CARD10: variants seen among roughly 807,000 people sequenced by gnomAD.
The protein encoded by CARD10 is caspase recruitment domain family member 10.
CARD10 carries 49 observed loss-of-function variants against 114.6 expected under a neutral mutation model. The observed-to-expected ratio is 0.43, with a 90% CI of 0.34 to 0.54. CARD10 has a LOEUF of 0.54. Ranked by LOEUF, CARD10 falls within the 20% of genes least tolerant of loss-of-function variation. CARD10 has a pLI of 0.03. For missense variants in CARD10, 1,206 were observed against 1,397.2 expected, an observed-to-expected ratio of 0.86 and a Z score of 2.18; for synonymous variants, 602 against 593.2, an observed-to-expected ratio of 1.01 and a Z score of -0.21.
At position 37,496,071 on chromosome 22, in the gene CARD10, T is replaced by C; in HGVS notation, c.2060-68A>G. ...AGGATGGTGAGGTCCAGGATCGGCCTTGGTGGGGCCAAAGACATGGCCCTC... is the reference window on the plus strand; with the variant it reads ...AGGATGGTGAGGTCCAGGATCGGCCCTGGTGGGGCCAAAGACATGGCCCTC... On this transcript the variant is annotated intron_variant, in intron 13 of 19. Transcript: ENST00000251973. The surrounding 1 kb of genome is among the most constrained non-coding windows in gnomAD (Gnocchi z 4.1). 1 of 1,581,814 alleles carries C rather than the reference T, an allele frequency of 6.3e-7. No individual in the cohort carries two copies. The highest frequency in any genetic ancestry group is 8.6e-7 in the Non-Finnish European group (1 of 1,161,578).
intron 8 of CARD10, 79 bp downstream of exon 8, chr22:37,504,556 C>T (rs922434045): frequency 6.9e-7 from 1 of 1,454,262 alleles, no homozygotes; most frequent in Non-Finnish European, 9.1e-7. Flanking sequence ...TGAAATGGAT[C>T]CTTCAGAAAG....
At position 37,502,170 on chromosome 22, in the gene CARD10, C is replaced by T. The variant is rs1601812205; in HGVS notation, c.1787+432G>A. Reference sequence around the variant, plus strand: ...AGGGGCTCCTGAGGTGACCCAAGCCCACCCACAGCATGAAACTTTGCTGGG... The same window carrying T: ...AGGGGCTCCTGAGGTGACCCAAGCCTACCCACAGCATGAAACTTTGCTGGG... On this transcript the variant is annotated intron_variant, in intron 11 of 19. Coordinates refer to ENST00000251973, the MANE Select transcript of CARD10 (RefSeq NM_014550.4). 2.6e-5 allele frequency among the ~76,000 whole-genome samples: 4 copies of T among 152,320 alleles called. No homozygotes were observed. The Middle Eastern group carries it at 0.014, about 518-fold the overall frequency.
At chr22:37,505,637 CAAA>C (rs1053786440) in intron 7 of CARD10, among the ~76,000 whole-genome samples, 11 of 109,654 alleles carry the variant, frequency 1.0e-4, no homozygotes, top group Admixed American at 9.5e-5. Flanking sequence ...GATTCTGTCT[CAAA>C]AAAAAAAAAA....
chr22:37,517,951 T>C lies in CARD10; in HGVS notation c.373+20A>G. 2 of 1,608,806 alleles carry C rather than the reference T, an allele frequency of 1.2e-6. No individual in the cohort carries two copies. The highest frequency in any genetic ancestry group is 1.7e-6 in the Non-Finnish European group (2 of 1,176,508). On this transcript the variant is annotated intron_variant, in intron 2 of 19. Transcript: ENST00000251973. The stretch of plus-strand genomic sequence containing the variant: ...TGCACTGGAGTCCGAGGTGCCAGCA[T>C]CCACCGCAGATCCACTCACCGAGGA...
rs780666568 is a variant in CARD10 at position 37,515,989 on chromosome 22, C to T, written c.683G>A (p.Arg228His). 3.8e-6 allele frequency: 6 copies of T among 1,584,406 alleles called. No individual in the cohort carries two copies. The highest frequency in any genetic ancestry group is 2.3e-5 in the East Asian group (1 of 43,864). The stretch of plus-strand genomic sequence containing the variant: ...AGGGCCTACCGCCAGCTGCAGGTCA[C>T]GGCTGCGAAGTACAGCCGAGTTCTT... Reference protein sequence around the residue: ...EEKNSAVLRSRDLQLAVDQLK... With the variant: ...EEKNSAVLRSHDLQLAVDQLK... The change falls in exon 3 of 20, where the codon CGT (arginine) becomes CAT (histidine). Residue 228 changes from arginine (R) to histidine (H), a missense_variant. Physicochemically the swap from Arg to His is conservative, Grantham distance 29 (BLOSUM62 0). Transcript: ENST00000251973.
chr22:37,518,565 C>G (rs1923919051), intron 1 of CARD10, among the ~76,000 whole-genome samples: 3 of 152,192 alleles, frequency 2.0e-5, no homozygotes, highest in Admixed American at 2.0e-4. Context: ...TGAAAAAGGA[C>G]TCCCCCAGGA....
rs768110180 is a variant in CARD10 at position 37,496,992 on chromosome 22, C to T, written c.1947+27G>A. ...CCTGGGCAAAAGCACTGACCCTACC[C>T]CCCCAGCTCAGGAGGCAGGGCCTCA... On this transcript the variant is annotated intron_variant, in intron 12 of 19. Coordinates refer to ENST00000251973, the MANE Select transcript of CARD10 (RefSeq NM_014550.4). The surrounding 1 kb of genome is among the most constrained non-coding windows in gnomAD (Gnocchi z 4.1). The T allele has an allele frequency of 6.4e-6, 10 of 1,574,430 alleles. No individual in the cohort carries two copies. The highest frequency in any genetic ancestry group is 8.6e-6 in the Non-Finnish European group (10 of 1,162,294).
intron 10 of CARD10, 41 bp downstream of exon 10, chr22:37,503,144 C>T (rs766697287): frequency 2.4e-5 from 38 of 1,604,230 alleles, no homozygotes; most frequent in East Asian, 6.8e-5. Context: ...CCACCTCCCC[C>T]GACCAGAGGA....
rs1831997161 is a variant in CARD10, at chr22:37,490,405, A to G, written c.*754T>C. On this transcript the variant is annotated 3_prime_UTR_variant, in exon 20 of 20. Coordinates refer to ENST00000251973, the MANE Select transcript of CARD10 (RefSeq NM_014550.4). Reference sequence around the variant, plus strand: ...AATGCTCCATAATGTGCAGCTTCTAAGTGAAAAAGGCCCGTTAATCATCCA... The same window carrying G: ...AATGCTCCATAATGTGCAGCTTCTAGGTGAAAAAGGCCCGTTAATCATCCA... 3 of 152,190 alleles carry G rather than the reference A, an allele frequency of 2.0e-5. No homozygotes were observed. The highest frequency in any genetic ancestry group is 1.3e-4 in the Admixed American group (2 of 15,288). The allele number at this position is 152,190 out of a possible 1,614,324, so 9.4% of individuals were successfully genotyped here.
At position 37,501,080 on chromosome 22, in the gene CARD10, T is replaced by C. The variant is rs1923195113; in HGVS notation, c.1787+1522A>G. Among the ~76,000 whole-genome samples the C allele has an allele frequency of 6.6e-6, 1 of 152,128 alleles. No individual in the cohort carries two copies. The highest frequency in any genetic ancestry group is 2.4e-5 in the African/African-American group (1 of 41,408). On this transcript the variant is annotated intron_variant, in intron 11 of 19. Transcript: ENST00000251973. This position sits in a 1 kb window ranked among gnomAD's most constrained non-coding sequence, Gnocchi z 5.4. ...AGGAGACACACAAGTTGCCCCGACC[T>C]GGGACCTGTCCGGGCCCTCATCTCC...
At chr22:37,507,377 A>T (rs1399351643) in intron 6 of CARD10, among the ~76,000 whole-genome samples, 1 of 152,160 alleles carries the variant, frequency 6.6e-6, no homozygotes, top group Admixed American at 6.5e-5. Flanking sequence ...ATGGAACCTC[A>T]CACAAGGAGG....
At chr22:37,491,612 G>GGGAGAA in intron 19 of CARD10, 143 bp downstream of exon 19, 1 of 447,518 alleles carries the variant, frequency 2.2e-6, no homozygotes, top group Non-Finnish European at 4.0e-6. Flanking sequence ...GGAGGGGGGA[G>GGGAGAA]GGGGAGGGAG....
At chr22:37,507,730 T>G (rs1432671320) in intron 6 of CARD10, 99 bp downstream of exon 6, 1 of 1,461,300 alleles carries the variant, frequency 6.8e-7, no homozygotes, top group African/African-American at 1.4e-5. Flanking sequence ...GCGGCTAACG[T>G]CTCTTTCTAC....
Position 37,504,284 on chromosome 22 carries a change from ACTGT to A in CARD10, c.1532_1535del (p.Asp511ValfsTer46), listed in dbSNP as rs771744606. 11 of 1,556,390 alleles carry A rather than the reference ACTGT, an allele frequency of 7.1e-6. No individual in the cohort carries two copies. The highest frequency in any genetic ancestry group is 1.4e-5 in the African/African-American group (1 of 73,688). On this transcript the variant is annotated frameshift_variant, in exon 9 of 20. Transcript: ENST00000251973. LOFTEE classifies it high-confidence loss of function. Reference sequence around the variant, plus strand: ...TGGAGAGCCGATTGATCTCCTTTTCACTGTCTGTGGCTTCCTCCTGCAATGCCAT... The same window carrying A: ...TGGAGAGCCGATTGATCTCCTTTTCACTGTGGCTTCCTCCTGCAATGCCAT...
chr22:37,512,465 C>A (rs201252928), intron 3 of CARD10, among the ~76,000 whole-genome samples: 40 of 113,858 alleles, frequency 3.5e-4, no homozygotes, highest in East Asian at 2.1e-3. Context: ...AGCCCCCCCT[C>A]CACACACACA....
intron 3 of CARD10, among the ~76,000 whole-genome samples, chr22:37,511,081 C>CAAAA: frequency 1.1e-5 from 1 of 92,078 alleles, no homozygotes; most frequent in Non-Finnish European, 2.3e-5. Flanking sequence ...GACTCTGTCT[C>CAAAA]AAAAAAAAAA....
At chr22:37,512,426 G>A (rs1923683959) in intron 3 of CARD10, among the ~76,000 whole-genome samples, 2 of 145,384 alleles carry the variant, frequency 1.4e-5, no homozygotes, top group Admixed American at 1.4e-4. Context: ...TGACTTGCTA[G>A]TTCCCCAGCC....
At chr22:37,512,152 T>G (rs1010946616) in intron 3 of CARD10, 1 of 152,214 alleles carries the variant, frequency 6.6e-6, no homozygotes, top group African/African-American at 2.4e-5. Context: ...CAGCCAGAAG[T>G]TGGCCTGGTA....
At position 37,518,036 on chromosome 22, in the gene CARD10, T is replaced by C. The variant is rs1255542301; in HGVS notation, c.308A>G (p.Tyr103Cys). The C allele has an allele frequency of 1.9e-6, 3 of 1,613,776 alleles. No individual in the cohort carries two copies. Among genetic ancestry groups the C allele is most frequent in the Admixed American group, 1.7e-5 (1 of 60,000 alleles). ...YEAFLEALEF[Y>C]YPEHFTLLTG... ...GAGCAGCGTGAAGTGTTCGGGGTAGTAGAACTCCAGGGCTTCCAGGAAGGC... is the reference window on the plus strand; with the variant it reads ...GAGCAGCGTGAAGTGTTCGGGGTAGCAGAACTCCAGGGCTTCCAGGAAGGC... Residue 103 changes from tyrosine (Y) to cysteine (C), a missense_variant, in exon 2 of 20, where the codon TAC (tyrosine) becomes TGC (cysteine). Tyr to Cys is a radical substitution (Grantham distance 194). Around this residue, in one of 2 missense-constraint regions of CARD10, gnomAD observed 138 missense variants for 218.0 expected, o/e 0.63. Transcript: ENST00000251973.
Sources: allele counts gnomAD v4.1 joint callset (sites outside exome capture counted in the v4.1 genomes callset), GRCh38; gene constraint gnomAD v4.1.1; regional missense constraint gnomAD v4.1.1; non-coding constraint Gnocchi (gnomAD v3.1); transcripts MANE v1.5; gene names NCBI Gene and HGNC (gene_info 2026-07-23, HGNC 2026-07-21).